CSPP1: variants seen among roughly 807,000 people sequenced by gnomAD.
CSPP1 encodes the protein centrosome and spindle pole associated protein 1.
CSPP1 carries 126 observed loss-of-function variants against 164.4 expected under a neutral mutation model. The observed-to-expected ratio is 0.77, with a 90% confidence interval of 0.66 to 0.89. The LOEUF is 0.89. Among genes scored for constraint, CSPP1 ranks in the 40% least tolerant of loss-of-function variants. CSPP1 has a pLI of 0.00. For synonymous variants in CSPP1, 472 were observed against 476.7 expected, an observed-to-expected ratio of 0.99 and a Z score of 0.13; for missense variants, 1,395 against 1,449.8, an observed-to-expected ratio of 0.96 and a Z score of 0.61.
At chr8:67,125,575 G>A (rs1819892267) in intron 15 of CSPP1, among the ~76,000 whole-genome samples, 1 of 151,952 alleles carries the variant, frequency 6.6e-6, no homozygotes, top group Non-Finnish European at 1.5e-5. Flanking sequence ...GACCCCCATT[G>A]GTACACATTA....
At chr8:67,141,614 C>T (rs1167775334) in intron 17 of CSPP1, among the ~76,000 whole-genome samples, 8 of 152,176 alleles carry the variant, frequency 5.3e-5, no homozygotes, top group East Asian at 1.9e-4. Context: ...CTCTGCCTCC[C>T]GGGTTCAAGC....
At chr8:67,163,162 G>T (rs1471893477) in intron 22 of CSPP1, among the ~76,000 whole-genome samples, 2 of 152,158 alleles carry the variant, frequency 1.3e-5, no homozygotes, top group East Asian at 3.9e-4. Context: ...GATGACTTTG[G>T]TGAAGGCAGT....
intron 17 of CSPP1, 70 bp from the exon 18 acceptor site, chr8:67,149,713 G>A: frequency 2.7e-6 from 3 of 1,118,496 alleles, no homozygotes; most frequent in Non-Finnish European, 3.6e-6. Flanking sequence ...CCTATTTTAA[G>A]AAAATATATT....
At chr8:67,172,068 C>T (rs1447114338) in intron 24 of CSPP1, among the ~76,000 whole-genome samples, 1 of 151,392 alleles carries the variant, frequency 6.6e-6, no homozygotes, top group African/African-American at 2.4e-5. Flanking sequence ...AGTCTGGTCT[C>T]GAACTCCTGA....
chr8:67,134,420 C>T (rs1489176246), intron 16 of CSPP1: 1 of 146,600 alleles, frequency 6.8e-6, no homozygotes, highest in African/African-American at 2.7e-5. Flanking sequence ...TGAAAGGAAT[C>T]TCTTTTTTTT....
intron 29 of CSPP1, among the ~76,000 whole-genome samples, chr8:67,192,548 G>A (rs1188477578): frequency 6.6e-6 from 1 of 151,934 alleles, no homozygotes; most frequent in Non-Finnish European, 1.5e-5. Flanking sequence ...ATTTTGATGA[G>A]GTCCAACTCA....
At chr8:67,083,548 A>AAAAAAAAAAATAT (rs1332248754) in intron 3 of CSPP1, 1 of 91,502 alleles carries the variant, frequency 1.1e-5, no homozygotes, top group African/African-American at 4.5e-5. Flanking sequence ...AAAAAAAAAA[A>AAAAAAAAAAATAT]ATATATATAT....
intron 21 of CSPP1, among the ~76,000 whole-genome samples, chr8:67,159,932 TCC>T (rs1827743297): frequency 1.5e-5 from 1 of 67,528 alleles, no homozygotes; most frequent in East Asian, 3.7e-4. Context: ...TTCCTTTCCT[TCC>T]TTCCTTCCTT....
At chr8:67,144,982 G>A (rs150674363) in intron 17 of CSPP1, among the ~76,000 whole-genome samples, 12,398 of 149,132 alleles carry the variant, frequency 0.083, 1,041 homozygotes, top group African/African-American at 0.22. Flanking sequence ...TGAGACAGGA[G>A]AATCATTTGA....
intron 1 of CSPP1, 38 bp downstream of exon 1, chr8:67,064,576 C>T (rs1805118971): frequency 1.3e-6 from 2 of 1,500,048 alleles, no homozygotes; most frequent in East Asian, 2.5e-5. Flanking sequence ...GGTGGAGGGT[C>T]CTGGGGCTGC....
At chr8:67,164,817 G>A (rs542306063) in intron 24 of CSPP1, among the ~76,000 whole-genome samples, 37 of 152,222 alleles carry the variant, frequency 2.4e-4, no homozygotes, top group African/African-American at 8.9e-4. Context: ...ACGGGCTACC[G>A]AACATTTCTG....
chr8:67,128,339 G>A (rs1299210414), intron 15 of CSPP1, among the ~76,000 whole-genome samples: 1 of 152,088 alleles, frequency 6.6e-6, no homozygotes, highest in Admixed American at 6.6e-5. Flanking sequence ...AGGAGTTCAA[G>A]ATCAGCCTGG....
At chr8:67,097,039 A>G (rs979113387) in intron 7 of CSPP1, among the ~76,000 whole-genome samples, 1 of 152,138 alleles carries the variant, frequency 6.6e-6, no homozygotes, top group Admixed American at 6.5e-5. Flanking sequence ...TAACTGCTAC[A>G]ATGAGGTTTT....
chr8:67,134,216 G>T (rs920560236), intron 16 of CSPP1: 7 of 152,170 alleles, frequency 4.6e-5, no homozygotes, highest in African/African-American at 1.7e-4. Flanking sequence ...ATCCATCAGA[G>T]GAATTACTCT....
intron 25 of CSPP1, chr8:67,174,917 G>A (rs945319498): frequency 2.8e-5 from 5 of 178,564 alleles, no homozygotes; most frequent in South Asian, 2.7e-4. Context: ...GAGATCAGCC[G>A]TGATTACAGT....
At chr8:67,109,992 G>C (rs1028178431) in intron 9 of CSPP1, among the ~76,000 whole-genome samples, 1 of 151,942 alleles carries the variant, frequency 6.6e-6, no homozygotes, top group South Asian at 2.1e-4. Flanking sequence ...TGTCTTGTTT[G>C]TATAACTGTG....
intron 28 of CSPP1, among the ~76,000 whole-genome samples, chr8:67,184,735 A>C (rs529323120): frequency 6.8e-6 from 1 of 147,674 alleles, no homozygotes; most frequent in South Asian, 2.1e-4. Context: ...AAAAATAATA[A>C]TAAAAAAATA....
At chr8:67,162,015 T>A in intron 22 of CSPP1, 100 bp downstream of exon 22, 1 of 771,526 alleles carries the variant, frequency 1.3e-6, no homozygotes, top group South Asian at 1.7e-5. Flanking sequence ...TAGGTTAAAT[T>A]TTTTCAGATC....
chr8:67,148,002 TG>T (rs1365497191), intron 17 of CSPP1, among the ~76,000 whole-genome samples: 1 of 152,076 alleles, frequency 6.6e-6, no homozygotes, highest in Non-Finnish European at 1.5e-5. Flanking sequence ...CACTGCAACC[TG>T]CACCCCCCCG....
Sources: gnomAD v4.1 joint callset for allele counts (sites outside exome capture counted in the v4.1 genomes callset) on GRCh38, gnomAD v4.1.1 for gene constraint, MANE v1.5 for transcripts, NCBI Gene and HGNC (gene_info 2026-07-23, HGNC 2026-07-21) for gene names.